ZNF345: variants seen among roughly 807,000 people sequenced by gnomAD.
ZNF345 encodes zinc finger protein 345, also known as zinc finger protein HZF10.
For missense variants in ZNF345, 527 were observed against 589.9 expected (o/e 0.89, Z 1.10); for synonymous variants, 166 against 187.9 (o/e 0.88, Z 0.95).
At chr19:36,886,679 C>G (rs1411036361) in intron 3 of ZNF345, among the ~76,000 whole-genome samples, 1 of 151,956 alleles carries the variant, frequency 6.6e-6, no homozygotes, top group Admixed American at 6.6e-5. Context: ...AGCCCCGTCT[C>G]TACTAAAAAT....
At chr19:36,861,585 G>A (rs12980239) in intron 2 of ZNF345, among the ~76,000 whole-genome samples, 48,720 of 151,812 alleles carry the variant, frequency 0.32, 8,938 homozygotes, top group East Asian at 0.7. Flanking sequence ...TTTTTGAGAC[G>A]GAGTCTCGCT....
intron 2 of ZNF345, among the ~76,000 whole-genome samples, chr19:36,862,663 C>CAAAAAAAA (rs753670661): frequency 2.5e-5 from 1 of 39,960 alleles, no homozygotes; most frequent in African/African-American, 8.1e-5. Context: ...GACCCAGTCT[C>CAAAAAAAA]AAAAAAAAAA....
At chr19:36,863,397 A>G (rs938099031) in intron 2 of ZNF345, among the ~76,000 whole-genome samples, 2 of 152,212 alleles carry the variant, frequency 1.3e-5, no homozygotes, top group Admixed American at 1.3e-4. Context: ...CCAGAGGAAA[A>G]CTAGTTTCTC....
At chr19:36,889,494 T>A (rs2073030147) in intron 3 of ZNF345, 1 of 152,310 alleles carries the variant, frequency 6.6e-6, no homozygotes, top group Non-Finnish European at 1.5e-5. Flanking sequence ...TGTTGAGGAT[T>A]CCTATTTCTC....
intron 3 of ZNF345, among the ~76,000 whole-genome samples, chr19:36,887,882 A>ATGAC (rs1255383656): frequency 5.9e-5 from 9 of 152,216 alleles, no homozygotes; most frequent in Admixed American, 2.0e-4. Context: ...AAATTCTTGG[A>ATGAC]TGACTCCAAA....
At chr19:36,880,849 A>G (rs1461771243), downstream of ZNF345, among the ~76,000 whole-genome samples, 2 of 152,224 alleles carry the variant, frequency 1.3e-5, no homozygotes, top group East Asian at 3.8e-4. Flanking sequence ...AATAGATTAC[A>G]TAGCAAAACC....
chr19:36,874,505 A>AGG (rs113753730), intron 2 of ZNF345, among the ~76,000 whole-genome samples: 12 of 144,696 alleles, frequency 8.3e-5, no homozygotes, highest in Admixed American at 1.4e-4. Context: ...AAAAAAAAAA[A>AGG]GGGGGGTGGG....
downstream of ZNF345, among the ~76,000 whole-genome samples, chr19:36,884,113 T>A (rs1239747742): frequency 6.6e-6 from 1 of 152,216 alleles, no homozygotes; most frequent in Non-Finnish European, 1.5e-5. Context: ...TTGCCCCGGC[T>A]GGAGTGCAGT....
intron 3 of ZNF345, among the ~76,000 whole-genome samples, chr19:36,885,394 A>T (rs186241386): frequency 6.5e-4 from 99 of 151,412 alleles, no homozygotes; most frequent in African/African-American, 2.4e-3. Flanking sequence ...TTCTTTGTGT[A>T]TTTTGGATCT....
At chr19:36,867,413 T>A (rs2072682027) in intron 2 of ZNF345, among the ~76,000 whole-genome samples, 1 of 152,250 alleles carries the variant, frequency 6.6e-6, no homozygotes, top group South Asian at 2.1e-4. Context: ...GTATTTGCTG[T>A]ATTCACAATA....
chr19:36,876,327 G>C (rs1346845451), intron 2 of ZNF345, among the ~76,000 whole-genome samples: 1 of 151,960 alleles, frequency 6.6e-6, no homozygotes, highest in Non-Finnish European at 1.5e-5. Context: ...AAACATCCCA[G>C]ATTTCCCACC....
intron 2 of ZNF345, among the ~76,000 whole-genome samples, chr19:36,873,510 T>G (rs1342353016): frequency 6.6e-6 from 1 of 152,156 alleles, no homozygotes; most frequent in East Asian, 1.9e-4. Context: ...CCTAAAAATC[T>G]ACTCTCATCA....
chr19:36,864,871 T>A (rs182295917), intron 2 of ZNF345, among the ~76,000 whole-genome samples: 8 of 152,294 alleles, frequency 5.3e-5, no homozygotes, highest in Admixed American at 2.0e-4. Flanking sequence ...AGTGCCTCAC[T>A]TGCCTTAGCC....
At position 36,877,985 on chromosome 19, in the gene ZNF345, T is replaced by TATCCAACACCAGCTA; in HGVS notation, c.1161_1175dup (p.Gln387_Ile391dup). ...AGGCCTTTGGTAGTGGCTCAAAACT[T>TATCCAACACCAGCTA]ATCCAACACCAGCTAATCCATACTG... On this transcript the variant is annotated inframe_insertion, in exon 3 of 3. Transcript: ENST00000420450. 1 of 1,614,096 alleles carries TATCCAACACCAGCTA rather than the reference T, an allele frequency of 6.2e-7. No homozygotes were observed. The highest frequency in any genetic ancestry group is 8.5e-7 in the Non-Finnish European group (1 of 1,180,006).
Position 36,877,731 on chromosome 19 carries a change from C to T in ZNF345, c.901C>T (p.Leu301Phe). The T allele has an allele frequency of 6.2e-7, 1 of 1,613,932 alleles. No individual in the cohort carries two copies. Among genetic ancestry groups the T allele is most frequent in the Non-Finnish European group, 8.5e-7 (1 of 1,179,952 alleles). Residue 301 changes from leucine to phenylalanine, a missense_variant, in exon 3 of 3, where the codon CTC (leucine) becomes TTC (phenylalanine). Transcript: ENST00000420450. The part of the protein sequence containing the change: ...CGKAFNSGSD[L>F]TQHQRIHTGE... Reference sequence around the variant, plus strand: ...GAAGGCTTTTAATAGTGGCTCAGATCTCACTCAGCATCAGAGAATTCACAC... The same window carrying T: ...GAAGGCTTTTAATAGTGGCTCAGATTTCACTCAGCATCAGAGAATTCACAC...
downstream of ZNF345, among the ~76,000 whole-genome samples, chr19:36,882,787 G>A (rs2146213751): frequency 6.6e-6 from 1 of 151,964 alleles, no homozygotes; most frequent in Non-Finnish European, 1.5e-5. Context: ...ATATACGTTA[G>A]GTTTTTAATA....
At chr19:36,851,506 G>T (rs2072263912) in intron 1 of ZNF345, 1 of 152,604 alleles carries the variant, frequency 6.6e-6, no homozygotes, top group Non-Finnish European at 1.5e-5. Context: ...TAGGTTTGGG[G>T]TGCCTGTGAC....
At chr19:36,891,901 T>G in intron 3 of ZNF345, 2 of 1,614,120 alleles carry the variant, frequency 1.2e-6, no homozygotes, top group Non-Finnish European at 1.7e-6. Flanking sequence ...TTCTTTACAT[T>G]CATAAGGTTT....
At chr19:36,872,960 C>T (rs1356029040) in intron 2 of ZNF345, among the ~76,000 whole-genome samples, 1 of 152,144 alleles carries the variant, frequency 6.6e-6, no homozygotes, top group Non-Finnish European at 1.5e-5. Flanking sequence ...TCTTCTAGCA[C>T]ACTTTGTAGA....
Sources: allele counts gnomAD v4.1 joint callset (sites outside exome capture counted in the v4.1 genomes callset), GRCh38; gene constraint gnomAD v4.1.1; transcripts MANE v1.5; gene names NCBI Gene and HGNC (gene_info 2026-07-23, HGNC 2026-07-21).